ADAMTS6: variants seen among roughly 807,000 people sequenced by gnomAD.
The protein encoded by ADAMTS6 is A disintegrin and metalloproteinase with thrombospondin motifs 6.
Under a neutral mutation model 144.3 loss-of-function variants are expected in ADAMTS6, and 23 were observed. The observed-to-expected ratio is 0.16, with a 90% CI of 0.11 to 0.23. The LOEUF (loss-of-function observed/expected upper bound fraction) is 0.23, where lower values mean the gene tolerates loss of function less well. Ranked by LOEUF, ADAMTS6 falls within the 10% of genes least tolerant of loss-of-function variation. The pLI, the probability that ADAMTS6 is intolerant of heterozygous loss-of-function variation, is 1.00. For synonymous variants in ADAMTS6, 444 were observed against 457.5 expected (o/e 0.97, Z 0.38); for missense variants, 999 against 1,379.6 (o/e 0.72, Z 4.37).
intron 11 of ADAMTS6, among the ~76,000 whole-genome samples, chr5:65,278,240 A>C (rs556855158): frequency 1.3e-5 from 2 of 152,296 alleles, no homozygotes; most frequent in Admixed American, 1.3e-4. Context: ...GGGCACTTAG[A>C]TTGGTTCCAC....
At chr5:65,414,684 T>G (rs57312541) in intron 7 of ADAMTS6, among the ~76,000 whole-genome samples, 90,994 of 151,994 alleles carry the variant, frequency 0.6, 28,781 homozygotes, top group African/African-American at 0.81. Context: ...TTAAAAAATA[T>G]AATTTGGTAG....
chr5:65,173,145 A>T (rs980856841), intron 22 of ADAMTS6, 137 bp from the exon 23 acceptor site: 9 of 818,282 alleles, frequency 1.1e-5, no homozygotes, highest in Non-Finnish European at 1.7e-5. Flanking sequence ...AGTCTCTCAG[A>T]TACAACGTTC....
intron 7 of ADAMTS6, among the ~76,000 whole-genome samples, chr5:65,370,782 G>A (rs1211381978): frequency 2.0e-5 from 3 of 152,234 alleles, no homozygotes; most frequent in Non-Finnish European, 4.4e-5. Context: ...CACAGCTCAA[G>A]GAGGCCTGCC....
At chr5:65,228,105 T>C (rs1757859378) in intron 15 of ADAMTS6, among the ~76,000 whole-genome samples, 1 of 152,210 alleles carries the variant, frequency 6.6e-6, no homozygotes, top group Admixed American at 6.5e-5. Context: ...TATTTATTTT[T>C]ATATGATTCT....
intron 7 of ADAMTS6, among the ~76,000 whole-genome samples, chr5:65,353,687 ATAAT>A (rs1241281657): frequency 2.0e-5 from 3 of 151,904 alleles, no homozygotes; most frequent in South Asian, 4.1e-4. Context: ...TATTCAACAG[ATAAT>A]TAATGTGAAC....
chr5:65,309,461 G>A (rs1319623282), intron 9 of ADAMTS6, among the ~76,000 whole-genome samples: 2 of 149,684 alleles, frequency 1.3e-5, no homozygotes, highest in African/African-American at 4.9e-5. Context: ...CAATGTGGCA[G>A]TGGGGGGGTG....
At chr5:65,436,204 A>G (rs1483368905) in intron 7 of ADAMTS6, among the ~76,000 whole-genome samples, 1 of 151,496 alleles carries the variant, frequency 6.6e-6, no homozygotes, top group Non-Finnish European at 1.5e-5. Context: ...CCTAAACAAC[A>G]TAGACCCCCA....
intron 3 of ADAMTS6, among the ~76,000 whole-genome samples, chr5:65,470,081 C>T (rs7716444): frequency 0.24 from 35,728 of 151,858 alleles, 7,695 homozygotes; most frequent in African/African-American, 0.58. Flanking sequence ...TTCTTTTTTC[C>T]ATTCTTTCTT....
intron 11 of ADAMTS6, among the ~76,000 whole-genome samples, chr5:65,273,931 A>C (rs1409733673): frequency 6.6e-6 from 1 of 152,230 alleles, no homozygotes; most frequent in African/African-American, 2.4e-5. Flanking sequence ...TTAATGTATG[A>C]ATTTTTTAAA....
chr5:65,469,210 G>A (rs1436525318), intron 3 of ADAMTS6, among the ~76,000 whole-genome samples: 3 of 152,080 alleles, frequency 2.0e-5, no homozygotes, highest in Non-Finnish European at 2.9e-5. Context: ...CCTAAATGTG[G>A]TTCAAATTCA....
At chr5:65,453,920 G>C (rs1455761387) in intron 4 of ADAMTS6, among the ~76,000 whole-genome samples, 1 of 152,114 alleles carries the variant, frequency 6.6e-6, no homozygotes, top group African/African-American at 2.4e-5. Flanking sequence ...AGGTGCTATG[G>C]TTTGAATATC....
intron 10 of ADAMTS6, among the ~76,000 whole-genome samples, chr5:65,296,518 G>C (rs149425430): frequency 6.2e-4 from 95 of 152,260 alleles, no homozygotes; most frequent in African/African-American, 2.2e-3. Context: ...TAAACAGAAG[G>C]AGGAGAAACC....
intron 20 of ADAMTS6, among the ~76,000 whole-genome samples, chr5:65,198,950 T>G (rs563628222): frequency 1.3e-5 from 2 of 152,318 alleles, no homozygotes; most frequent in East Asian, 3.9e-4. Context: ...CTCCCCATTG[T>G]GTCATTCCAG....
rs75287791 is a variant in ADAMTS6 at position 65,334,713 on chromosome 5, A to G, written c.1074-628T>C. Among the ~76,000 whole-genome samples, 1,200 of 152,262 alleles carry G rather than the reference A, an allele frequency of 7.9e-3. 13 individuals carry two copies. Among genetic ancestry groups the G allele is most frequent in the African/African-American group, 0.027 (1,132 of 41,546 alleles). ...GAATCTGTCAATAGAAACCTTCCCT[A>G]ATGTTGATCAGATTTATTCTATACC... On this transcript the variant is annotated intron_variant, in intron 7 of 24. Coordinates refer to ENST00000381055, the MANE Select transcript of ADAMTS6 (RefSeq NM_197941.4).
rs766093273 is a variant in ADAMTS6, at chr5:65,226,185, A to G, written c.1968T>C (p.Ala656=). 4.3e-6 allele frequency: 7 copies of G among 1,613,770 alleles called. No individual in the cohort carries two copies. The East Asian group carries it at 1.6e-4, about 36-fold the overall frequency. ...GVKPCALNCL[A]EGYNFYTERA... ...GTTCAGTGTAGAAATTATAACCTTC[A>G]GCCAAGCAGTTTAATGCACAAGGTT... Residue 656 remains alanine, a synonymous_variant, in exon 16 of 25, where the codon GCT becomes GCC. Transcript: ENST00000381055.
chr5:65,337,764 T>C (rs930059312), intron 7 of ADAMTS6, among the ~76,000 whole-genome samples: 1 of 152,158 alleles, frequency 6.6e-6, no homozygotes. Flanking sequence ...CTACATCCCA[T>C]CAACTCTTCT....
chr5:65,200,657 A>G (rs1240793677), intron 20 of ADAMTS6, among the ~76,000 whole-genome samples: 1 of 152,172 alleles, frequency 6.6e-6, no homozygotes, highest in Non-Finnish European at 1.5e-5. Flanking sequence ...GAATTTAATA[A>G]AAATACACTA....
intron 7 of ADAMTS6, among the ~76,000 whole-genome samples, chr5:65,380,990 T>A (rs16893753): frequency 0.051 from 7,692 of 152,300 alleles, 671 homozygotes; most frequent in African/African-American, 0.18. Context: ...GAAAGCTCAA[T>A]TAATGTAAAT....
intron 7 of ADAMTS6, among the ~76,000 whole-genome samples, chr5:65,393,000 T>C (rs1753051941): frequency 6.6e-6 from 1 of 152,240 alleles, no homozygotes; most frequent in Admixed American, 6.5e-5. Flanking sequence ...GCAATGCTTT[T>C]ATTTTTCCTG....
Sources: allele counts gnomAD v4.1 joint callset (sites outside exome capture counted in the v4.1 genomes callset), GRCh38; gene constraint gnomAD v4.1.1; transcripts MANE v1.5; gene names NCBI Gene and HGNC (gene_info 2026-07-23, HGNC 2026-07-21).